The following PRICKLE2 variants were observed in gnomAD, a reference collection of about 807,000 sequenced individuals.
PRICKLE2 encodes prickle-like protein 2.
In PRICKLE2, 21 loss-of-function variants were observed where a neutral mutation model predicts 81.4. That is an observed-to-expected ratio of 0.26 (90% CI 0.18 to 0.37). The LOEUF (loss-of-function observed/expected upper bound fraction) is 0.37, where lower values mean the gene tolerates loss of function less well. PRICKLE2 is among the 10% of genes least tolerant of loss of function. The probability of loss-of-function intolerance (pLI) is 1.00; values close to 1 mark genes in which losing one functional copy is unlikely to be tolerated. For missense variants in PRICKLE2, 940 were observed against 1,109.0 expected (o/e 0.85, Z 2.16); for synonymous variants, 456 against 421.5 (o/e 1.08, Z -1.00).
intron 2 of PRICKLE2, among the ~76,000 whole-genome samples, chr3:64,247,179 G>T (rs1387018559): frequency 6.6e-6 from 1 of 152,038 alleles, no homozygotes; most frequent in Admixed American, 6.5e-5. Context: ...CCTCTAGCAG[G>T]CCAGGCTCCC....
chr3:64,105,838 T>G (rs1575540771), intron 7 of PRICKLE2: 3 of 152,254 alleles, frequency 2.0e-5, no homozygotes, highest in African/African-American at 4.8e-5. Flanking sequence ...GCTGGGTGAC[T>G]TGGGGAAATT....
At chr3:64,115,453 C>T (rs1386474323) in intron 7 of PRICKLE2, among the ~76,000 whole-genome samples, 1 of 152,098 alleles carries the variant, frequency 6.6e-6, no homozygotes, top group Admixed American at 6.6e-5. Context: ...CTTCAAGAGA[C>T]CCATCTCCCA....
At chr3:64,243,839 A>C (rs1004405673) in intron 2 of PRICKLE2, among the ~76,000 whole-genome samples, 9 of 152,200 alleles carry the variant, frequency 5.9e-5, no homozygotes, top group Non-Finnish European at 8.8e-5. Context: ...GACCCAGTCT[A>C]CTTGTCCAAG....
intron 2 of PRICKLE2, among the ~76,000 whole-genome samples, chr3:64,183,379 A>G (rs909556768): frequency 6.6e-6 from 1 of 152,150 alleles, no homozygotes; most frequent in Non-Finnish European, 1.5e-5. Context: ...CAAATAAACA[A>G]AATAACACAT....
At chr3:64,247,693 C>G (rs1331209989) in intron 2 of PRICKLE2, among the ~76,000 whole-genome samples, 1 of 152,168 alleles carries the variant, frequency 6.6e-6, no homozygotes, top group Non-Finnish European at 1.5e-5. Context: ...TGGGCTATGA[C>G]TATGACATAT....
intron 1 of PRICKLE2, among the ~76,000 whole-genome samples, chr3:64,211,966 C>T (rs751775663): frequency 6.6e-6 from 1 of 152,170 alleles, no homozygotes; most frequent in African/African-American, 2.4e-5. Context: ...AACAAGATGG[C>T]AGCTGGGAAG....
intron 1 of PRICKLE2, among the ~76,000 whole-genome samples, chr3:64,202,707 C>T (rs1453241617): frequency 1.3e-5 from 2 of 150,146 alleles, no homozygotes; most frequent in Non-Finnish European, 3.0e-5. Context: ...AAGACCATAT[C>T]ATGTGCAAAT....
rs1462845626 is a variant in PRICKLE2, at chr3:64,092,705, G to C, written c.*6346C>G. Reference sequence around the variant, plus strand: ...AAACACAAATATTTTTGGGTCATCTGCTGCTTTCAATTCTTGCTAATAACT... The same window carrying C: ...AAACACAAATATTTTTGGGTCATCTCCTGCTTTCAATTCTTGCTAATAACT... On this transcript the variant is annotated 3_prime_UTR_variant, in exon 8 of 8. Coordinates refer to ENST00000638394, the MANE Select transcript of PRICKLE2 (RefSeq NM_198859.4). 2 of 152,174 alleles carry C rather than the reference G, an allele frequency of 1.3e-5. No individual in the cohort carries two copies. Among genetic ancestry groups the C allele is most frequent in the Non-Finnish European group, 2.9e-5 (2 of 68,036 alleles). 9.4% of individuals were successfully genotyped at this position (152,174 alleles called of 1,614,324 possible). A position where few individuals can be genotyped will look rare whatever the true frequency, so the allele number is the denominator to read the frequency against.
At chr3:64,176,315 T>A (rs2078021610) in intron 2 of PRICKLE2, among the ~76,000 whole-genome samples, 2 of 152,200 alleles carry the variant, frequency 1.3e-5, no homozygotes, top group Admixed American at 1.3e-4. Flanking sequence ...GAATTTTGAG[T>A]TATCTCTTTC....
chr3:64,238,175 G>A (rs1237560619), intron 2 of PRICKLE2, among the ~76,000 whole-genome samples: 5 of 152,168 alleles, frequency 3.3e-5, no homozygotes, highest in Admixed American at 6.5e-5. Flanking sequence ...ATACCACAAC[G>A]TGCTTCCTTT....
rs2076610726 is a variant in PRICKLE2, at chr3:64,099,064, C to A, written c.2522G>T (p.Cys841Phe). 6.2e-7 allele frequency: 1 copy of A among 1,614,066 alleles called. No homozygotes were observed. ...ATCCCAATCATATTAAGAAATGATA[C>A]AGTTTTTGCTCTTCTGTCTTTTCCT... ...HSRKRQKSKN[C>F]IIS Residue 841 changes from cysteine to phenylalanine, a missense_variant, in exon 8 of 8, where the codon TGT becomes TTT. Cys to Phe is a radical substitution (Grantham distance 205, BLOSUM62 -2). Around this residue, in one of 2 missense-constraint regions of PRICKLE2, gnomAD observed 670 missense variants for 717.2 expected, o/e 0.93. Transcript: ENST00000638394. This position sits in a 1 kb window ranked among gnomAD's most constrained non-coding sequence, Gnocchi z 4.3.
chr3:64,187,228 ATT>A (rs2078250955), intron 2 of PRICKLE2, among the ~76,000 whole-genome samples: 1 of 152,206 alleles, frequency 6.6e-6, no homozygotes, highest in African/African-American at 2.4e-5. Flanking sequence ...AAACAAGTTT[ATT>A]AACAGGCAGT....
chr3:64,094,715 G>T lies in PRICKLE2; in HGVS notation c.*4336C>A, dbSNP rs2106929153. ...CCAAATGGTCATAAGAATAAGCTCTGGTATCTGCTGAGGCACCAGAGGGAC... is the reference window on the plus strand; with the variant it reads ...CCAAATGGTCATAAGAATAAGCTCTTGTATCTGCTGAGGCACCAGAGGGAC... On this transcript the variant is annotated 3_prime_UTR_variant, in exon 8 of 8. Transcript: ENST00000638394. The T allele has an allele frequency of 6.5e-6, 1 of 152,726 alleles. No homozygotes were observed. The highest frequency in any genetic ancestry group is 2.1e-4 in the South Asian group (1 of 4,824). The allele number at this position is 152,726 out of a possible 1,614,324, so 9.5% of individuals were successfully genotyped here. A position where few individuals can be genotyped will look rare whatever the true frequency, so the allele number is the denominator to read the frequency against.
intron 2 of PRICKLE2, among the ~76,000 whole-genome samples, chr3:64,166,634 T>C (rs528835122): frequency 9.5e-4 from 145 of 152,318 alleles, no homozygotes; most frequent in Admixed American, 1.8e-3. Flanking sequence ...TGCTAGAATA[T>C]CTTCTCACAA....
chr3:64,185,615 A>T (rs953576823), intron 2 of PRICKLE2, among the ~76,000 whole-genome samples: 3 of 152,136 alleles, frequency 2.0e-5, no homozygotes, highest in African/African-American at 7.2e-5. Flanking sequence ...TTCATTGTGC[A>T]TGATTAATAC....
At chr3:64,215,003 C>T in intron 1 of PRICKLE2, among the ~76,000 whole-genome samples, 1 of 152,110 alleles carries the variant, frequency 6.6e-6, no homozygotes, top group East Asian at 1.9e-4. Context: ...CAATAGCCTA[C>T]TTCTTAATTT....
intron 2 of PRICKLE2, among the ~76,000 whole-genome samples, chr3:64,188,515 C>T (rs2107094659): frequency 6.6e-6 from 1 of 152,254 alleles, no homozygotes; most frequent in East Asian, 1.9e-4. Context: ...TTAACAAGTT[C>T]CCAGGTGATA....
chr3:64,176,875 A>T (rs1482702594), intron 2 of PRICKLE2, among the ~76,000 whole-genome samples: 1 of 152,156 alleles, frequency 6.6e-6, no homozygotes, highest in East Asian at 1.9e-4. Context: ...TCCAGTTCCA[A>T]AACGCCAAAA....
At chr3:64,128,582 C>G (rs2077147825) in intron 7 of PRICKLE2, among the ~76,000 whole-genome samples, 1 of 151,954 alleles carries the variant, frequency 6.6e-6, no homozygotes, top group Non-Finnish European at 1.5e-5. Flanking sequence ...CCCATCTCTA[C>G]TAAAAATACA....
Sources: gnomAD v4.1 joint callset for allele counts (sites outside exome capture counted in the v4.1 genomes callset) on GRCh38, gnomAD v4.1.1 for gene constraint, gnomAD v4.1.1 regional missense constraint, Gnocchi (gnomAD v3.1) non-coding constraint, MANE v1.5 for transcripts, NCBI Gene and HGNC (gene_info 2026-07-23, HGNC 2026-07-21) for gene names.